Variants in MAP2K5 observed in about 807,000 individuals in gnomAD.
MAP2K5 encodes the protein mitogen-activated protein kinase kinase 5.
MAP2K5 carries 49 observed loss-of-function variants against 83.1 expected under a neutral mutation model. The ratio of observed to expected loss-of-function variants is 0.59; its 90% confidence interval spans 0.47 to 0.75. MAP2K5 has a LOEUF of 0.75. Ranked by LOEUF, MAP2K5 falls within the 30% of genes least tolerant of loss-of-function variation. The probability of loss-of-function intolerance (pLI) is 0.00; values close to 1 mark genes in which losing one functional copy is unlikely to be tolerated. For synonymous variants in MAP2K5, 202 were observed against 191.8 expected (o/e 1.05, Z -0.44); for missense variants, 457 against 557.5 (o/e 0.82, Z 1.82).
chr15:67,674,473 GA>G (rs545698036), intron 13 of MAP2K5, among the ~76,000 whole-genome samples: 3,363 of 150,378 alleles, frequency 0.022, 57 homozygotes, highest in African/African-American at 0.04. Flanking sequence ...TTTTTGAAAA[GA>G]AAAAAAAAGA....
chr15:67,698,977 T>C lies in MAP2K5; in HGVS notation c.973-4360T>C. Among the ~76,000 whole-genome samples, 1 of 152,168 alleles carries C rather than the reference T, an allele frequency of 6.6e-6. No homozygotes were observed. The highest frequency in any genetic ancestry group is 2.4e-5 in the African/African-American group (1 of 41,438). Reference sequence around the variant, plus strand: ...ATTATTACTCTCTTCATTTTACAGATGAGGAAACCAAAGGTAAAAATATCT... The same window carrying C: ...ATTATTACTCTCTTCATTTTACAGACGAGGAAACCAAAGGTAAAAATATCT... On this transcript the variant is annotated intron_variant, in intron 15 of 21. Transcript: ENST00000178640. This position sits in a 1 kb window ranked among gnomAD's most constrained non-coding sequence, Gnocchi z 4.5.
In MAP2K5 at chr15:67,561,029, A is replaced by G. The variant is rs753176003; in HGVS notation, c.185-2254A>G. The stretch of plus-strand genomic sequence containing the variant: ...CTTGGGTATATTGAAATTCAAATAT[A>G]AGCAGTCTCTTTTTAACCATAATCT... On this transcript the variant is annotated intron_variant, in intron 2 of 21. Transcript: ENST00000178640. This position sits in a 1 kb window ranked among gnomAD's most constrained non-coding sequence, Gnocchi z 4.2. Among the ~76,000 whole-genome samples the G allele has an allele frequency of 1.3e-5, 2 of 152,222 alleles. No homozygotes were observed. The highest frequency in any genetic ancestry group is 2.9e-5 in the Non-Finnish European group (2 of 68,042).
Position 67,781,735 on chromosome 15 carries a change from G to T in MAP2K5, c.1242+8983G>T, listed in dbSNP as rs1006133563. ...ACAAATGAAAATGGAATTTTCAAAT[G>T]TAACCCGATTGACTCTTAATTGTTA... On this transcript the variant is annotated intron_variant, in intron 21 of 21. Transcript: ENST00000178640. This position sits in a 1 kb window ranked among gnomAD's most constrained non-coding sequence, Gnocchi z 4.0. Among the ~76,000 whole-genome samples the T allele has an allele frequency of 2.6e-5, 4 of 152,162 alleles. No homozygotes were observed. The highest frequency in any genetic ancestry group is 9.7e-5 in the African/African-American group (4 of 41,432).
At chr15:67,704,987 C>T (rs761196781) in intron 16 of MAP2K5, among the ~76,000 whole-genome samples, 3 of 152,176 alleles carry the variant, frequency 2.0e-5, no homozygotes, top group Non-Finnish European at 4.4e-5. Flanking sequence ...CACTGTTCTT[C>T]ACTGGGCCTC....
rs567748861 is a variant in MAP2K5 at position 67,708,622 on chromosome 15, T to C, written c.1044+5214T>C. Among the ~76,000 whole-genome samples, 9 of 152,146 alleles carry C rather than the reference T, an allele frequency of 5.9e-5. No homozygotes were observed. The highest frequency in any genetic ancestry group is 1.2e-4 in the Non-Finnish European group (8 of 68,012). ...AGGACTACAGGTGTACCACTGCACC[T>C]GGCTGAACGCCTTCATTGTTTTAAA... On this transcript the variant is annotated intron_variant, in intron 16 of 21. Transcript: ENST00000178640. This position sits in a 1 kb window ranked among gnomAD's most constrained non-coding sequence, Gnocchi z 4.9.
intron 8 of MAP2K5, among the ~76,000 whole-genome samples, chr15:67,608,602 G>A (rs1226010041): frequency 6.6e-6 from 1 of 152,202 alleles, no homozygotes; most frequent in Non-Finnish European, 1.5e-5. Flanking sequence ...AAGGCCTCAT[G>A]GAGGAACTGG....
At chr15:67,705,044 T>A (rs1007030218) in intron 16 of MAP2K5, among the ~76,000 whole-genome samples, 1 of 152,188 alleles carries the variant, frequency 6.6e-6, no homozygotes. Context: ...CTTTCCAGAC[T>A]AACATTCTAT....
At chr15:67,741,357 G>C (rs556637091) in intron 17 of MAP2K5, among the ~76,000 whole-genome samples, 4 of 152,318 alleles carry the variant, frequency 2.6e-5, no homozygotes, top group African/African-American at 9.6e-5. Context: ...GCTGGTTTTA[G>C]CTGGGACTTG....
intron 21 of MAP2K5, among the ~76,000 whole-genome samples, chr15:67,791,661 A>T (rs984786416): frequency 6.6e-6 from 1 of 152,196 alleles, no homozygotes; most frequent in Non-Finnish European, 1.5e-5. Flanking sequence ...GGCCAAATCC[A>T]CAAATTGAGG....
At chr15:67,600,863 A>G (rs2085644390) in intron 8 of MAP2K5, 114 bp downstream of exon 8, 3 of 698,960 alleles carry the variant, frequency 4.3e-6, no homozygotes, top group Non-Finnish European at 2.3e-6. Flanking sequence ...TTATTTCCAT[A>G]TTTGACTCCA....
intron 19 of MAP2K5, among the ~76,000 whole-genome samples, chr15:67,756,178 T>C (rs1343857888): frequency 1.3e-5 from 2 of 152,230 alleles, no homozygotes; most frequent in African/African-American, 2.4e-5. Context: ...AAGTATCATA[T>C]GCATTCCAAA....
In MAP2K5 at chr15:67,608,949, T is replaced by G. The variant is rs2085844717; in HGVS notation, c.545+8200T>G. Among the ~76,000 whole-genome samples the G allele has an allele frequency of 2.0e-5, 3 of 152,318 alleles. No individual in the cohort carries two copies. The South Asian group carries it at 6.2e-4, about 32-fold the overall frequency. ...CTACTGTAGGCACTTAGTGAGTGTT[T>G]CAGGAATTTACCTGCAGAGGCAGAT... On this transcript the variant is annotated intron_variant, in intron 8 of 21. Coordinates refer to ENST00000178640, the MANE Select transcript of MAP2K5 (RefSeq NM_145160.3).
rs944714242 is a variant in MAP2K5 at position 67,698,194 on chromosome 15, A to AT, written c.972+4636dup. Among the ~76,000 whole-genome samples, 77 of 149,510 alleles carry AT rather than the reference A, an allele frequency of 5.2e-4. No individual in the cohort carries two copies. The South Asian group carries it at 0.011, about 21-fold the overall frequency. ...ATTAACCATTTTTCAGAAATTCTTT[A>AT]TTTTTTTTTTCTTGAGATGAAGTCT... On this transcript the variant is annotated intron_variant, in intron 15 of 21. Transcript: ENST00000178640. This position sits in a 1 kb window ranked among gnomAD's most constrained non-coding sequence, Gnocchi z 4.5.
intron 21 of MAP2K5, among the ~76,000 whole-genome samples, chr15:67,776,038 C>G (rs542327678): frequency 5.3e-5 from 8 of 152,246 alleles, no homozygotes; most frequent in African/African-American, 1.7e-4. Context: ...GTCTCCTGTT[C>G]ATGTATAGGG....
rs536451590 is a variant in MAP2K5, at chr15:67,628,902, T to G, written c.546-1986T>G. ...TATGGCGGCAGTGGGGATGGATGGC[T>G]ATAATGGATTTAGTAATAATGGAAG... is the stretch of plus-strand genomic sequence containing the variant. On this transcript the variant is annotated intron_variant, in intron 8 of 21. Transcript: ENST00000178640. 2.4e-5 allele frequency: 18 copies of G among 750,896 alleles called. No homozygotes were observed. The East Asian group carries it at 3.9e-4, about 16-fold the overall frequency. The allele number at this position is 750,896 out of a possible 1,614,324, so 46.5% of individuals were successfully genotyped here. A position where few individuals can be genotyped will look rare whatever the true frequency, so the allele number is the denominator to read the frequency against.
intron 8 of MAP2K5, among the ~76,000 whole-genome samples, chr15:67,613,710 C>G (rs1194096699): frequency 1.3e-5 from 2 of 151,442 alleles, no homozygotes; most frequent in Non-Finnish European, 2.9e-5. Context: ...GAGATTTTTG[C>G]TCCTCTTCAG....
At position 67,772,001 on chromosome 15, in the gene MAP2K5, A is replaced by G. The variant is rs138464237; in HGVS notation, c.1197-706A>G. On this transcript the variant is annotated intron_variant, in intron 20 of 21. Transcript: ENST00000178640. ...AGTGCTTCATCACATAGCTAAGTAC[A>G]TGTTACAGCTACTAATTATATCTAT... 3.0e-3 allele frequency among the ~76,000 whole-genome samples: 460 copies of G among 152,304 alleles called. 2 individuals are homozygous for G. Among genetic ancestry groups the G allele is most frequent in the African/African-American group, 0.011 (444 of 41,564 alleles).
In MAP2K5 at chr15:67,722,047, T is replaced by C. The variant is rs1437134499; in HGVS notation, c.1045-5869T>C. Among the ~76,000 whole-genome samples, 2 of 152,324 alleles carry C rather than the reference T, an allele frequency of 1.3e-5. No individual in the cohort carries two copies. Among genetic ancestry groups the C allele is most frequent in the East Asian group, 3.9e-4 (2 of 5,186 alleles). ...TTAATATATTTGCTGTAGTGAGTAC[T>C]GATAATGTGGAGGGTCCCAAAGGTT... On this transcript the variant is annotated intron_variant, in intron 16 of 21. Transcript: ENST00000178640. The surrounding 1 kb of genome is among the most constrained non-coding windows in gnomAD (Gnocchi z 4.2).
At chr15:67,792,022 G>A (rs1003247833) in intron 21 of MAP2K5, among the ~76,000 whole-genome samples, 10 of 152,226 alleles carry the variant, frequency 6.6e-5, no homozygotes, top group Non-Finnish European at 1.3e-4. Context: ...CCAGGCAGAG[G>A]AGGGGCAGGG....
Sources: gnomAD v4.1 joint callset for allele counts (sites outside exome capture counted in the v4.1 genomes callset) on GRCh38, gnomAD v4.1.1 for gene constraint, Gnocchi (gnomAD v3.1) non-coding constraint, MANE v1.5 for transcripts, NCBI Gene and HGNC (gene_info 2026-07-23, HGNC 2026-07-21) for gene names.